Variants in SNTB2 observed in about 807,000 individuals in gnomAD.
SNTB2 encodes the protein beta-2-syntrophin.
Under a neutral mutation model 46.2 loss-of-function variants are expected in SNTB2, and 34 were observed. The ratio of observed to expected loss-of-function variants is 0.74; its 90% CI spans 0.56 to 0.98. The LOEUF (loss-of-function observed/expected upper bound fraction) is 0.98, where lower values mean the gene tolerates loss of function less well. Ranked by LOEUF, SNTB2 falls within the 50% of genes least tolerant of loss-of-function variation. The pLI, the probability that SNTB2 is intolerant of heterozygous loss-of-function variation, is 0.00. For synonymous variants in SNTB2, 290 were observed against 312.6 expected, an observed-to-expected ratio of 0.93 and a Z score of 0.76; for missense variants, 603 against 731.4, an observed-to-expected ratio of 0.82 and a Z score of 2.02.
Position 69,299,856 on chromosome 16 carries a change from T to A in SNTB2, c.1530+82T>A, listed in dbSNP as rs1013110305. On this transcript the variant is annotated intron_variant, in intron 6 of 6. Transcript: ENST00000336278. Reference sequence around the variant, plus strand: ...TACTTCTTACCCCTTATATACAAAGTCATGGACTGACATTCCATTTAGAAC... The same window carrying A: ...TACTTCTTACCCCTTATATACAAAGACATGGACTGACATTCCATTTAGAAC... 6.5e-6 allele frequency: 9 copies of A among 1,385,074 alleles called. No individual in the cohort carries two copies. The African/African-American group carries it at 1.3e-4, about 20-fold the overall frequency. 85.8% of individuals were successfully genotyped at this position (1,385,074 alleles called of 1,614,324 possible).
intron 1 of SNTB2, among the ~76,000 whole-genome samples, chr16:69,238,948 C>CCTTG (rs1964583440): frequency 6.6e-6 from 1 of 152,176 alleles, no homozygotes; most frequent in Non-Finnish European, 1.5e-5. Flanking sequence ...AAGCCAAAGT[C>CCTTG]CTTGCCATGA....
At chr16:69,283,994 A>G (rs1239597293) in intron 4 of SNTB2, 54 bp from the exon 5 acceptor site, 20 of 1,479,166 alleles carry the variant, frequency 1.4e-5, no homozygotes, top group Middle Eastern at 1.8e-4. Flanking sequence ...AATTCCTGAC[A>G]TTTTTGTCTG....
Position 69,292,428 on chromosome 16 carries a change from AT to A in SNTB2, c.1346-7161del, listed in dbSNP as rs1362602218. Among the ~76,000 whole-genome samples the A allele has an allele frequency of 4.5e-3, 35 of 7,814 alleles. 5 individuals are homozygous for A. Among genetic ancestry groups the A allele is most frequent in the African/African-American group, 0.018 (33 of 1,790 alleles). The allele number at this position is 7,814 out of a possible 152,430, so 5.1% of individuals were successfully genotyped here. ...TATATTATATATATATTATATATAT[AT>A]ATATATTATATATATATAATTTTTT... On this transcript the variant is annotated intron_variant, in intron 5 of 6. Transcript: ENST00000336278.
At chr16:69,200,814 C>T (rs1450386650) in intron 1 of SNTB2, among the ~76,000 whole-genome samples, 1 of 152,010 alleles carries the variant, frequency 6.6e-6, no homozygotes, top group East Asian at 1.9e-4. Flanking sequence ...CGAGTCTGGC[C>T]CTGTGATCCA....
intron 4 of SNTB2, among the ~76,000 whole-genome samples, chr16:69,281,854 AG>A (rs1237511717): frequency 8.6e-5 from 13 of 151,622 alleles, no homozygotes; most frequent in Non-Finnish European, 1.9e-4. Context: ...AAGAAAAAAA[AG>A]AAAGAAAGAA....
Position 69,300,891 on chromosome 16 carries a change from G to T in SNTB2, c.1590G>T (p.Ser530=). 6.2e-7 allele frequency: 1 copy of T among 1,613,564 alleles called. No individual in the cohort carries two copies. The highest frequency in any genetic ancestry group is 8.5e-7 in the Non-Finnish European group (1 of 1,179,692). The part of the protein sequence containing the change: ...PIVFVLHTFL[S]AKVTRMGLLV ...TATTTGTGTTGCACACGTTTTTATC[G>T]GCCAAAGTCACTCGTATGGGACTGC... Residue 530 remains serine (S), a synonymous_variant, in exon 7 of 7, where the codon TCG becomes TCT. Coordinates refer to ENST00000336278, the MANE Select transcript of SNTB2 (RefSeq NM_006750.4).
intron 1 of SNTB2, among the ~76,000 whole-genome samples, chr16:69,207,606 C>CCTTCAGAATGTGCAATA (rs1964236962): frequency 6.6e-6 from 1 of 152,106 alleles, no homozygotes; most frequent in African/African-American, 2.4e-5. Flanking sequence ...TTATTACATA[C>CCTTCAGAATGTGCAATA]CTTCAGAAAA....
intron 1 of SNTB2, among the ~76,000 whole-genome samples, chr16:69,222,466 G>T (rs1261633974): frequency 6.6e-6 from 1 of 151,876 alleles, no homozygotes; most frequent in Non-Finnish European, 1.5e-5. Flanking sequence ...GGTGGTGTGT[G>T]CCTGTAATCC....
chr16:69,255,679 C>T (rs1056708290), intron 2 of SNTB2, among the ~76,000 whole-genome samples: 2 of 150,276 alleles, frequency 1.3e-5, no homozygotes, highest in South Asian at 2.1e-4. Context: ...TCAGGAATTT[C>T]AGACCAGCCT....
At chr16:69,242,889 C>T (rs980574640) in intron 1 of SNTB2, among the ~76,000 whole-genome samples, 3 of 152,000 alleles carry the variant, frequency 2.0e-5, no homozygotes, top group African/African-American at 4.8e-5. Context: ...GGCGTGGTGG[C>T]GGGCGCCTGT....
At chr16:69,206,099 A>G (rs1421650551) in intron 1 of SNTB2, among the ~76,000 whole-genome samples, 1 of 152,054 alleles carries the variant, frequency 6.6e-6, no homozygotes, top group African/African-American at 2.4e-5. Context: ...TGGGCTCAGG[A>G]GATTTTCCCG....
chr16:69,257,696 C>T (rs149659059), intron 2 of SNTB2, among the ~76,000 whole-genome samples: 2 of 152,232 alleles, frequency 1.3e-5, no homozygotes, highest in East Asian at 1.9e-4. Flanking sequence ...CCACCTGCCT[C>T]GGCCTCCCAA....
chr16:69,286,277 G>A (rs1965101317), intron 5 of SNTB2, among the ~76,000 whole-genome samples: 2 of 152,194 alleles, frequency 1.3e-5, no homozygotes, highest in Admixed American at 6.5e-5. Flanking sequence ...GCATTTAGTA[G>A]TGTAAGAACT....
At chr16:69,198,211 C>A (rs368391777) in intron 1 of SNTB2, among the ~76,000 whole-genome samples, 4 of 151,104 alleles carry the variant, frequency 2.6e-5, no homozygotes, top group African/African-American at 4.9e-5. Flanking sequence ...CGGGTTCAAG[C>A]GATTCTCCTG....
chr16:69,278,801 TG>T (rs1965006847), intron 4 of SNTB2, among the ~76,000 whole-genome samples: 1 of 152,018 alleles, frequency 6.6e-6, no homozygotes. Flanking sequence ...ACCATCTTTT[TG>T]GGGGAGGGGG....
intron 1 of SNTB2, among the ~76,000 whole-genome samples, chr16:69,219,345 G>A (rs1030646297): frequency 1.3e-5 from 2 of 152,200 alleles, no homozygotes; most frequent in African/African-American, 4.8e-5. Flanking sequence ...TTAATGGCTG[G>A]ATCACTGGAG....
At chr16:69,212,616 C>T (rs980718361) in intron 1 of SNTB2, among the ~76,000 whole-genome samples, 2 of 152,002 alleles carry the variant, frequency 1.3e-5, no homozygotes, top group South Asian at 2.1e-4. Flanking sequence ...GGATTACAGG[C>T]GTGAGCCACC....
chr16:69,211,375 C>T (rs995451559), intron 1 of SNTB2, among the ~76,000 whole-genome samples: 1 of 151,654 alleles, frequency 6.6e-6, no homozygotes, highest in Non-Finnish European at 1.5e-5. Flanking sequence ...TACTCTTCAA[C>T]ATAAACTTGA....
At chr16:69,247,978 C>T (rs909360367) in intron 2 of SNTB2, among the ~76,000 whole-genome samples, 12 of 152,080 alleles carry the variant, frequency 7.9e-5, no homozygotes, top group Non-Finnish European at 2.9e-5. Flanking sequence ...AAAAAATTAG[C>T]CAGGCATACT....
Sources: allele counts gnomAD v4.1 joint callset (sites outside exome capture counted in the v4.1 genomes callset), GRCh38; gene constraint gnomAD v4.1.1; transcripts MANE v1.5; gene names NCBI Gene and HGNC (gene_info 2026-07-23, HGNC 2026-07-21).